KIF5B: variants seen among roughly 807,000 people sequenced by gnomAD.
KIF5B encodes the protein kinesin family member 5B, also known as kinesin-1 heavy chain.
KIF5B carries 49 observed loss-of-function variants against 132.8 expected under a neutral mutation model. The observed-to-expected ratio is 0.37, with a 90% CI of 0.29 to 0.47. The LOEUF (loss-of-function observed/expected upper bound fraction) is 0.47, where lower values mean the gene tolerates loss of function less well. Among genes scored for constraint, KIF5B ranks in the 20% least tolerant of loss-of-function variants. The pLI is 1.00. For synonymous variants in KIF5B, 355 were observed against 369.4 expected (o/e 0.96, Z 0.45); for missense variants, 780 against 1,144.0 (o/e 0.68, Z 4.59).
chr10:32,026,695 A>C (rs1375192916), intron 15 of KIF5B, among the ~76,000 whole-genome samples: 1 of 152,190 alleles, frequency 6.6e-6, no homozygotes, highest in Non-Finnish European at 1.5e-5. Context: ...TTTTTAACTT[A>C]AATCATAATT....
At chr10:32,047,284 C>T (rs1347319072) in intron 2 of KIF5B, among the ~76,000 whole-genome samples, 1 of 151,976 alleles carries the variant, frequency 6.6e-6, no homozygotes, top group African/African-American at 2.4e-5. Flanking sequence ...TTTTCACTGC[C>T]CTTCAGCCTC....
chr10:32,020,311 T>C (rs1334574452), intron 19 of KIF5B, among the ~76,000 whole-genome samples: 2 of 151,980 alleles, frequency 1.3e-5, no homozygotes, highest in Admixed American at 6.6e-5. Context: ...CTGACTTCCA[T>C]AAACTCTATG....
chr10:32,033,747 A>G, intron 12 of KIF5B, 98 bp downstream of exon 12: 1 of 697,316 alleles, frequency 1.4e-6, no homozygotes, highest in Non-Finnish European at 2.4e-6. Context: ...TAAAGATCCT[A>G]AGTGCCCACA....
intron 2 of KIF5B, among the ~76,000 whole-genome samples, chr10:32,042,611 G>A (rs1197450801): frequency 6.6e-6 from 1 of 152,168 alleles, no homozygotes; most frequent in African/African-American, 2.4e-5. Context: ...GAACTCAAAT[G>A]CTTGCTGAAT....
At position 32,022,189 on chromosome 10, in the gene KIF5B, C is replaced by T; in HGVS notation, c.1983G>A (p.Glu661=). ...CTTCACTGAGGGCATCGACAGATTC[C>T]TCCAACTGTCTTTTCTTTTGTTCCA... ...QNVEQKKRQL[E]ESVDALSEEL... Residue 661 remains glutamate (E), a synonymous_variant, in exon 17 of 26, where the codon GAG becomes GAA. Transcript: ENST00000302418. 7 of 1,613,462 alleles carry T rather than the reference C, an allele frequency of 4.3e-6. No individual in the cohort carries two copies. Among genetic ancestry groups the T allele is most frequent in the Non-Finnish European group, 5.9e-6 (7 of 1,179,664 alleles).
chr10:32,033,434 G>C (rs888504873), intron 12 of KIF5B, among the ~76,000 whole-genome samples: 4 of 152,164 alleles, frequency 2.6e-5, no homozygotes, highest in African/African-American at 9.7e-5. Context: ...ATTATCAGCT[G>C]TGCATGCAAG....
At chr10:32,048,356 C>G (rs1841642322) in intron 2 of KIF5B, 108 bp downstream of exon 2, 6 of 681,928 alleles carry the variant, frequency 8.8e-6, no homozygotes, top group Non-Finnish European at 1.5e-5. Flanking sequence ...CTGCAATTAA[C>G]TTAGAAGAAA....
intron 9 of KIF5B, 53 bp downstream of exon 9, chr10:32,035,837 A>G: frequency 7.0e-7 from 1 of 1,431,340 alleles, no homozygotes; most frequent in Non-Finnish European, 9.7e-7. Context: ...ATACACCTAT[A>G]TTTAAATAAT....
intron 2 of KIF5B, 61 bp downstream of exon 2, chr10:32,048,403 G>C (rs1320834827): frequency 1.8e-6 from 2 of 1,138,504 alleles, no homozygotes; most frequent in Middle Eastern, 2.0e-4. Context: ...TGAGTAAGTA[G>C]AAAAGATCAC....
At position 32,010,508 on chromosome 10, in the gene KIF5B, T is replaced by C. The variant is rs1841063046; in HGVS notation, c.*1029A>G. The C allele has an allele frequency of 6.6e-6, 1 of 152,204 alleles. No individual in the cohort carries two copies. The highest frequency in any genetic ancestry group is 2.4e-5 in the African/African-American group (1 of 41,456). The allele number at this position is 152,204 out of a possible 1,614,324, so 9.4% of individuals were successfully genotyped here. A position where few individuals can be genotyped will look rare whatever the true frequency, so the allele number is the denominator to read the frequency against. ...AAAATTGACCTATATATATTTTTAA[T>C]TCATCATATATCTGTCCTGTTTCTT... On this transcript the variant is annotated 3_prime_UTR_variant, in exon 26 of 26. Coordinates refer to ENST00000302418, the MANE Select transcript of KIF5B (RefSeq NM_004521.3).
intron 2 of KIF5B, among the ~76,000 whole-genome samples, chr10:32,043,421 G>A (rs957252234): frequency 1.3e-5 from 2 of 152,186 alleles, no homozygotes; most frequent in African/African-American, 4.8e-5. Context: ...AATGCAAATA[G>A]ACTTGGTTCC....
intron 8 of KIF5B, 61 bp downstream of exon 8, chr10:32,037,193 C>T: frequency 6.6e-7 from 1 of 1,526,400 alleles, no homozygotes; most frequent in Non-Finnish European, 8.9e-7. Context: ...GCGTAACTCC[C>T]AACTCAAACT....
chr10:32,014,298 G>A (rs180718644), intron 25 of KIF5B, among the ~76,000 whole-genome samples: 29 of 152,240 alleles, frequency 1.9e-4, no homozygotes, highest in African/African-American at 6.7e-4. Flanking sequence ...GGCTGAGGCA[G>A]GAGAATCGCT....
At chr10:32,017,900 A>T (rs367646014) in intron 23 of KIF5B, 152 bp downstream of exon 23, 1 of 465,146 alleles carries the variant, frequency 2.1e-6, no homozygotes, top group Non-Finnish European at 3.9e-6. Flanking sequence ...CTCCTCTAAA[A>T]GTTACTTATG....
rs369654017 is a variant in KIF5B, at chr10:32,019,916, C to T, written c.2248G>A (p.Glu750Lys). 21 of 1,612,616 alleles carry T rather than the reference C, an allele frequency of 1.3e-5. No individual in the cohort carries two copies. The African/African-American group carries it at 2.7e-4, about 20-fold the overall frequency. The change falls in exon 20 of 26, where the codon GAA becomes AAA. Residue 750 changes from glutamate (E) to lysine (K), a missense_variant. Glu to Lys is a moderately conservative substitution (Grantham distance 56). Coordinates refer to ENST00000302418, the MANE Select transcript of KIF5B (RefSeq NM_004521.3). ...MMLEQERLRV[E>K]HEKLKATDQE... The stretch of plus-strand genomic sequence containing the variant: ...TCTGTGGCTTTCAACTTCTCATGTT[C>T]TACTCTTAGACGTTCCTGCTCTAAC...
chr10:32,028,013 T>C (rs763330476), intron 15 of KIF5B, among the ~76,000 whole-genome samples: 1 of 152,078 alleles, frequency 6.6e-6, no homozygotes, highest in Non-Finnish European at 1.5e-5. Flanking sequence ...TGATCTGTTG[T>C]GCAGGCTGGA....
rs1186021573 is a variant in KIF5B at position 32,031,052 on chromosome 10, GAAAAT to G, written c.1581+16_1581+20del. 1 of 1,564,166 alleles carries G rather than the reference GAAAAT, an allele frequency of 6.4e-7. No individual in the cohort carries two copies. The highest frequency in any genetic ancestry group is 2.2e-5 in the East Asian group (1 of 44,544). On this transcript the variant is annotated intron_variant, in intron 14 of 25. Transcript: ENST00000302418. The stretch of plus-strand genomic sequence containing the variant: ...ATACTTGTACTAAAGCATTAAAAAA[GAAAAT>G]AAAACTATATCCTACCGATTTCTGA...
At chr10:32,018,457 C>G in intron 21 of KIF5B, 45 bp downstream of exon 21, 1 of 1,590,676 alleles carries the variant, frequency 6.3e-7, no homozygotes, top group Non-Finnish European at 8.5e-7. Flanking sequence ...TAGAAAAAAC[C>G]CACAAAATAT....
At chr10:32,041,248 T>C (rs1228283452) in intron 2 of KIF5B, among the ~76,000 whole-genome samples, 1 of 151,630 alleles carries the variant, frequency 6.6e-6, no homozygotes, top group Non-Finnish European at 1.5e-5. Context: ...GTTTAGTACA[T>C]AAAGGATTTA....
Sources: allele counts gnomAD v4.1 joint callset (sites outside exome capture counted in the v4.1 genomes callset), GRCh38; gene constraint gnomAD v4.1.1; transcripts MANE v1.5; gene names NCBI Gene and HGNC (gene_info 2026-07-23, HGNC 2026-07-21).